SPAG9: variants seen among roughly 807,000 people sequenced by gnomAD.
The protein encoded by SPAG9 is C-Jun-amino-terminal kinase-interacting protein 4.
SPAG9 carries 35 observed loss-of-function variants against 166.5 expected under a neutral mutation model. The observed-to-expected ratio is 0.21, with a 90% confidence interval of 0.16 to 0.28. The LOEUF (loss-of-function observed/expected upper bound fraction) is 0.28, where lower values mean the gene tolerates loss of function less well. SPAG9 is among the 10% of genes least tolerant of loss of function. SPAG9 has a pLI of 1.00. For missense variants in SPAG9, 1,235 were observed against 1,603.3 expected, an observed-to-expected ratio of 0.77 and a Z score of 3.92; for synonymous variants, 534 against 565.5, an observed-to-expected ratio of 0.94 and a Z score of 0.79.
At chr17:51,012,125 ATTC>A (rs1301751923) in intron 9 of SPAG9, among the ~76,000 whole-genome samples, 2 of 152,210 alleles carry the variant, frequency 1.3e-5, no homozygotes, top group Admixed American at 6.5e-5. Flanking sequence ...ACATTTTAAA[ATTC>A]TTCTAACATT....
Position 51,091,140 on chromosome 17 carries a change from G to A in SPAG9, c.304-11436C>T, listed in dbSNP as rs116477477. ...ATATGAAAATTAGCCTGGTGTAGTG[G>A]TGTGCATCTGTAGTCCCAGCTACTC... On this transcript the variant is annotated intron_variant, in intron 1 of 29. Coordinates refer to ENST00000262013, the MANE Select transcript of SPAG9 (RefSeq NM_001130528.3). 8.8e-3 allele frequency among the ~76,000 whole-genome samples: 1,343 copies of A among 152,028 alleles called. 21 individuals carry two copies. The highest frequency in any genetic ancestry group is 0.031 in the African/African-American group (1,303 of 41,432).
intron 15 of SPAG9, 125 bp from the exon 16 acceptor site, chr17:50,996,819 T>C (rs2044702865): frequency 1.1e-6 from 1 of 916,746 alleles, no homozygotes; most frequent in African/African-American, 1.7e-5. Context: ...CAAATTAGTT[T>C]ATTTCAACTA....
chr17:50,980,634 G>A (rs572185373), intron 25 of SPAG9, among the ~76,000 whole-genome samples: 3 of 152,032 alleles, frequency 2.0e-5, no homozygotes, highest in Admixed American at 6.6e-5. Flanking sequence ...TTGGAAGGCC[G>A]AGGTGGGAGG....
chr17:51,023,397 T>C, intron 6 of SPAG9: 1 of 258,888 alleles, frequency 3.9e-6, no homozygotes, highest in Non-Finnish European at 7.9e-6. Context: ...ATTTAGCTAT[T>C]GATGCTGAAG....
chr17:51,103,442 A>C (rs2048859285), intron 1 of SPAG9, among the ~76,000 whole-genome samples: 2 of 152,312 alleles, frequency 1.3e-5, no homozygotes, highest in South Asian at 4.1e-4. Flanking sequence ...AAGGCAACAG[A>C]AAAGAAGAGA....
At position 51,120,168 on chromosome 17, in the gene SPAG9, C is replaced by T. The variant is rs1345895537; in HGVS notation, c.303+186G>A. On this transcript the variant is annotated intron_variant, in intron 1 of 29. Coordinates refer to ENST00000262013, the MANE Select transcript of SPAG9 (RefSeq NM_001130528.3). The surrounding 1 kb of genome is among the most constrained non-coding windows in gnomAD (Gnocchi z 4.7). Reference sequence around the variant, plus strand: ...TCCCAGGACACTCAGTAGCCGGCCTCGGCTTCCAACGCCGGCCTGGCTCCC... The same window carrying T: ...TCCCAGGACACTCAGTAGCCGGCCTTGGCTTCCAACGCCGGCCTGGCTCCC... Among the ~76,000 whole-genome samples, 1 of 152,210 alleles carries T rather than the reference C, an allele frequency of 6.6e-6. No individual in the cohort carries two copies. Among genetic ancestry groups the T allele is most frequent in the Non-Finnish European group, 1.5e-5 (1 of 68,034 alleles).
chr17:50,977,741 A>G (rs1295428180), intron 26 of SPAG9, among the ~76,000 whole-genome samples: 1 of 152,124 alleles, frequency 6.6e-6, no homozygotes, highest in Non-Finnish European at 1.5e-5. Flanking sequence ...AAAATTAGCC[A>G]GGCATGGTGG....
rs34918673 is a variant in SPAG9 at position 51,085,959 on chromosome 17, ATTTTTTTT to A, written c.304-6263_304-6256del. Among the ~76,000 whole-genome samples, 36 of 88,074 alleles carry A rather than the reference ATTTTTTTT, an allele frequency of 4.1e-4. 1 individual carries two copies. The highest frequency in any genetic ancestry group is 8.5e-3 in the Middle Eastern group (1 of 118). The allele number at this position is 88,074 out of a possible 152,430, so 57.8% of individuals were successfully genotyped here. A position where few individuals can be genotyped will look rare whatever the true frequency, so the allele number is the denominator to read the frequency against. On this transcript the variant is annotated intron_variant, in intron 1 of 29. Transcript: ENST00000262013. ...ATAATTTTTTATCCTCTTGGAAATC[ATTTTTTTT>A]TTTTTTTTTTTTTTTTTGAGACAGA...
chr17:50,979,687 G>A (rs184826561), intron 26 of SPAG9, 59 bp downstream of exon 26: 12 of 1,507,122 alleles, frequency 8.0e-6, no homozygotes, highest in Non-Finnish European at 1.1e-5. Context: ...TAAACACATA[G>A]ATAGATAAAA....
intron 9 of SPAG9, among the ~76,000 whole-genome samples, chr17:51,010,932 T>TA (rs1252423755): frequency 6.6e-6 from 1 of 151,982 alleles, no homozygotes; most frequent in Non-Finnish European, 1.5e-5. Flanking sequence ...AGAGCAAACA[T>TA]GATTTCTTAA....
chr17:51,017,519 TGAGAGAGAGAGA>T (rs60839678), intron 8 of SPAG9, among the ~76,000 whole-genome samples: 3 of 147,352 alleles, frequency 2.0e-5, no homozygotes, highest in Non-Finnish European at 4.5e-5. Context: ...AGAACCTGTC[TGAGAGAGAGAGA>T]GAGAGAGAGA....
At chr17:50,980,440 A>C (rs746899104) in intron 25 of SPAG9, among the ~76,000 whole-genome samples, 40 of 151,902 alleles carry the variant, frequency 2.6e-4, no homozygotes, top group Non-Finnish European at 5.4e-4. Flanking sequence ...CCTGACCTCA[A>C]GTGATCTGCC....
At chr17:51,025,329 A>G in intron 6 of SPAG9, among the ~76,000 whole-genome samples, 1 of 130,348 alleles carries the variant, frequency 7.7e-6, no homozygotes, top group Non-Finnish European at 1.8e-5. Context: ...AAAAAAAAAA[A>G]AAAAAAAAAA....
chr17:51,066,833 A>C (rs1411618190), intron 2 of SPAG9, among the ~76,000 whole-genome samples: 4 of 152,008 alleles, frequency 2.6e-5, no homozygotes, highest in Non-Finnish European at 5.9e-5. Flanking sequence ...TGGGGGCTGC[A>C]GTGAGCCGAG....
chr17:51,072,129 T>A (rs992688927), intron 2 of SPAG9, among the ~76,000 whole-genome samples: 1 of 152,116 alleles, frequency 6.6e-6, no homozygotes, highest in African/African-American at 2.4e-5. Flanking sequence ...TGGAGTACAG[T>A]GGCGTGATCT....
chr17:51,085,366 A>G (rs1164593182), intron 1 of SPAG9: 2 of 152,366 alleles, frequency 1.3e-5, no homozygotes, highest in East Asian at 3.9e-4. Flanking sequence ...CAGCTTCAGA[A>G]GATGGATACC....
intron 3 of SPAG9, among the ~76,000 whole-genome samples, chr17:51,048,846 A>G (rs1424871896): frequency 6.6e-6 from 1 of 152,222 alleles, no homozygotes; most frequent in Non-Finnish European, 1.5e-5. Flanking sequence ...ACAGAATCAC[A>G]TGAATATAGT....
chr17:50,966,800 AAACT>A (rs770914353), intron 29 of SPAG9, among the ~76,000 whole-genome samples: 11 of 152,350 alleles, frequency 7.2e-5, no homozygotes, highest in South Asian at 6.2e-4. Flanking sequence ...GGTACAGAGC[AAACT>A]AACTAAACCC....
chr17:51,076,749 A>G (rs964235979), intron 2 of SPAG9, among the ~76,000 whole-genome samples: 11 of 151,470 alleles, frequency 7.3e-5, no homozygotes, highest in African/African-American at 2.7e-4. Flanking sequence ...AAAAAAAAAG[A>G]CAGAAAGAAA....
Sources: gnomAD v4.1 joint callset for allele counts (sites outside exome capture counted in the v4.1 genomes callset) on GRCh38, gnomAD v4.1.1 for gene constraint, Gnocchi (gnomAD v3.1) non-coding constraint, MANE v1.5 for transcripts, NCBI Gene and HGNC (gene_info 2026-07-23, HGNC 2026-07-21) for gene names.